Variants in RB1CC1 observed in about 807,000 individuals in gnomAD.
RB1CC1 encodes RB1 inducible coiled-coil 1.
Under a neutral mutation model 177.5 loss-of-function variants are expected in RB1CC1, and 46 were observed. The ratio of observed to expected loss-of-function variants is 0.26; its 90% CI spans 0.20 to 0.33. RB1CC1 has a LOEUF of 0.33. RB1CC1 is among the 10% of genes least tolerant of loss of function. The pLI, the probability that RB1CC1 is intolerant of heterozygous loss-of-function variation, is 1.00. For missense variants in RB1CC1, 1,703 were observed against 1,816.3 expected, an observed-to-expected ratio of 0.94 and a Z score of 1.13; for synonymous variants, 666 against 613.6, an observed-to-expected ratio of 1.09 and a Z score of -1.26.
At chr8:52,638,749 A>G (rs1324589029) in intron 18 of RB1CC1, among the ~76,000 whole-genome samples, 8 of 151,992 alleles carry the variant, frequency 5.3e-5, no homozygotes, top group Non-Finnish European at 1.5e-5. Flanking sequence ...TACATCTATC[A>G]TTTTGTTTAT....
intron 8 of RB1CC1, among the ~76,000 whole-genome samples, chr8:52,666,529 A>AAAAAAAAG (rs1554541874): frequency 7.3e-5 from 11 of 149,712 alleles, no homozygotes; most frequent in East Asian, 5.9e-4. Context: ...AAAAAAAAAA[A>AAAAAAAAG]AAAGAAAGAA....
chr8:52,701,604 G>C (rs1856067814), intron 1 of RB1CC1, among the ~76,000 whole-genome samples: 1 of 151,704 alleles, frequency 6.6e-6, no homozygotes. Flanking sequence ...TGTTGCTCAG[G>C]CTGGTCATGA....
intron 1 of RB1CC1, among the ~76,000 whole-genome samples, chr8:52,708,653 T>C (rs1268414093): frequency 6.6e-6 from 1 of 152,216 alleles, no homozygotes; most frequent in Non-Finnish European, 1.5e-5. Flanking sequence ...AAGTAGTTAA[T>C]ATAAGGTAGC....
At chr8:52,649,474 C>A (rs1412711949) in intron 15 of RB1CC1, among the ~76,000 whole-genome samples, 1 of 152,090 alleles carries the variant, frequency 6.6e-6, no homozygotes, top group Non-Finnish European at 1.5e-5. Context: ...GATGCTTGAA[C>A]TCTTAACACT....
At chr8:52,650,238 A>G (rs770146641) in intron 15 of RB1CC1, among the ~76,000 whole-genome samples, 3 of 152,198 alleles carry the variant, frequency 2.0e-5, no homozygotes, top group Non-Finnish European at 4.4e-5. Context: ...CAGGGATATT[A>G]TCCAGAATTC....
At chr8:52,685,289 G>A (rs1381840637) in intron 3 of RB1CC1, 110 bp downstream of exon 3, 3 of 771,014 alleles carry the variant, frequency 3.9e-6, no homozygotes, top group East Asian at 2.9e-5. Context: ...CAGGCGTGAG[G>A]TACCGCACCC....
At chr8:52,667,101 G>C (rs1852134562) in intron 8 of RB1CC1, among the ~76,000 whole-genome samples, 1 of 151,732 alleles carries the variant, frequency 6.6e-6, no homozygotes, top group African/African-American at 2.4e-5. Flanking sequence ...CCAAACAGAA[G>C]GAAAAGACCA....
intron 18 of RB1CC1, among the ~76,000 whole-genome samples, chr8:52,637,869 C>G (rs1849269706): frequency 6.6e-6 from 1 of 152,044 alleles, no homozygotes; most frequent in Non-Finnish European, 1.5e-5. Flanking sequence ...CTGGGTTTCA[C>G]CATGTTGGCC....
chr8:52,670,874 G>C (rs1852507476), intron 7 of RB1CC1, among the ~76,000 whole-genome samples: 1 of 151,778 alleles, frequency 6.6e-6, no homozygotes, highest in East Asian at 1.9e-4. Context: ...TGTAGTCCCA[G>C]CTACCCAGGA....
In RB1CC1 at chr8:52,656,094, G is replaced by A. The variant is rs1425850866; in HGVS notation, c.3735C>T (p.Ala1245=). The change falls in exon 15 of 24, where the codon GCC becomes GCT. Residue 1245 remains alanine, a synonymous_variant. Coordinates refer to ENST00000025008, the MANE Select transcript of RB1CC1 (RefSeq NM_014781.5). ...NCEKDEAIQT[A]LKEFKLEREV... ...CTCTCTCCAATTTAAATTCTTTTAGGGCAGTCTGAATAGCTTCATCTTTTT... is the reference window on the plus strand; with the variant it reads ...CTCTCTCCAATTTAAATTCTTTTAGAGCAGTCTGAATAGCTTCATCTTTTT... 1 of 1,612,810 alleles carries A rather than the reference G, an allele frequency of 6.2e-7. No homozygotes were observed. The highest frequency in any genetic ancestry group is 1.7e-5 in the Admixed American group (1 of 59,928).
intron 1 of RB1CC1, among the ~76,000 whole-genome samples, chr8:52,697,654 T>G (rs144193845): frequency 6.6e-6 from 1 of 152,164 alleles, no homozygotes. Flanking sequence ...AAAGGTGAGA[T>G]TGGCAAAATG....
intron 15 of RB1CC1, among the ~76,000 whole-genome samples, chr8:52,649,437 T>A (rs1206304035): frequency 6.6e-6 from 1 of 152,194 alleles, no homozygotes; most frequent in Non-Finnish European, 1.5e-5. Flanking sequence ...CTAGAAAATT[T>A]ACATTGAACA....
At chr8:52,682,814 T>C (rs2150590511) in intron 5 of RB1CC1, among the ~76,000 whole-genome samples, 1 of 152,340 alleles carries the variant, frequency 6.6e-6, no homozygotes, top group East Asian at 1.9e-4. Flanking sequence ...TTATTAAATA[T>C]GTTTCACACA....
At chr8:52,706,448 C>T (rs1856559017) in intron 1 of RB1CC1, among the ~76,000 whole-genome samples, 1 of 151,238 alleles carries the variant, frequency 6.6e-6, no homozygotes, top group Non-Finnish European at 1.5e-5. Flanking sequence ...CAGCCTTCAG[C>T]TCGTTGTAGC....
At chr8:52,689,006 G>A (rs889497017) in intron 1 of RB1CC1, among the ~76,000 whole-genome samples, 15 of 152,234 alleles carry the variant, frequency 9.9e-5, no homozygotes, top group South Asian at 8.3e-4. Flanking sequence ...GATCTCAGCC[G>A]CCTTACCTTT....
chr8:52,632,957 C>A (rs1429310945), intron 20 of RB1CC1, among the ~76,000 whole-genome samples: 2 of 152,176 alleles, frequency 1.3e-5, no homozygotes, highest in Admixed American at 1.3e-4. Context: ...AGTGACAATT[C>A]CTCTACCATC....
At chr8:52,676,894 A>G (rs1853182268) in intron 5 of RB1CC1, among the ~76,000 whole-genome samples, 1 of 152,208 alleles carries the variant, frequency 6.6e-6, no homozygotes. Context: ...GTCCTCTGGT[A>G]TTATCTCAAG....
chr8:52,678,911 G>T (rs1394290108), intron 5 of RB1CC1, among the ~76,000 whole-genome samples: 1 of 152,106 alleles, frequency 6.6e-6, no homozygotes, highest in Non-Finnish European at 1.5e-5. Context: ...AGTTTCAGTT[G>T]TAAGATAATG....
At chr8:52,632,979 A>G (rs1182964124) in intron 20 of RB1CC1, among the ~76,000 whole-genome samples, 1 of 152,324 alleles carries the variant, frequency 6.6e-6, no homozygotes, top group East Asian at 1.9e-4. Context: ...TCTGACATGT[A>G]AATTGTGTAT....
Sources: allele counts gnomAD v4.1 joint callset (sites outside exome capture counted in the v4.1 genomes callset), GRCh38; gene constraint gnomAD v4.1.1; transcripts MANE v1.5; gene names NCBI Gene and HGNC (gene_info 2026-07-23, HGNC 2026-07-21).